The following CCDC171 variants were observed in gnomAD, a reference collection of about 807,000 sequenced individuals.
The protein encoded by CCDC171 is coiled-coil domain containing 171, also known as coiled-coil domain-containing protein 171.
CCDC171 carries 177 observed loss-of-function variants against 168.2 expected under a neutral mutation model. The observed-to-expected ratio is 1.05, with a 90% CI of 0.93 to 1.19. The LOEUF (loss-of-function observed/expected upper bound fraction) is 1.19. CCDC171 is among the 50% of genes most tolerant of loss of function. The pLI, the probability that CCDC171 is intolerant of heterozygous loss-of-function variation, is 0.00. For missense variants in CCDC171, 1,991 were observed against 1,539.0 expected, an observed-to-expected ratio of 1.29 and a Z score of -4.91; for synonymous variants, 687 against 540.8, an observed-to-expected ratio of 1.27 and a Z score of -3.75.
At chr9:15,828,435 T>C (rs2060103858) in intron 21 of CCDC171, among the ~76,000 whole-genome samples, 1 of 152,180 alleles carries the variant, frequency 6.6e-6, no homozygotes, top group Non-Finnish European at 1.5e-5. Flanking sequence ...TTAGTTTGAA[T>C]CTATTTTGAA....
intron 9 of CCDC171, among the ~76,000 whole-genome samples, chr9:15,673,146 G>A (rs1173362250): frequency 6.6e-6 from 1 of 151,306 alleles, no homozygotes; most frequent in African/African-American, 2.4e-5. Context: ...TCATGAATTG[G>A]CTGTCTGTCT....
chr9:15,728,188 C>A, intron 15 of CCDC171, 152 bp downstream of exon 15: 2 of 629,130 alleles, frequency 3.2e-6, no homozygotes, highest in Non-Finnish European at 5.2e-6. Context: ...GTCTACAACT[C>A]AGTTTGATGC....
At chr9:16,039,518 T>A (rs1394549907), upstream of CCDC171, among the ~76,000 whole-genome samples, 1 of 152,106 alleles carries the variant, frequency 6.6e-6, no homozygotes, top group Non-Finnish European at 1.5e-5. Flanking sequence ...GGAGGCTGAT[T>A]ATTTCTCCTC....
intron 24 of CCDC171, among the ~76,000 whole-genome samples, chr9:15,913,447 G>A (rs186299646): frequency 6.6e-5 from 10 of 152,138 alleles, no homozygotes; most frequent in East Asian, 1.9e-4. Flanking sequence ...GGCTGGCAGC[G>A]TATATATTTT....
chr9:15,902,267 TATATATATATATATACACACAC>T (rs1821795703), intron 24 of CCDC171, among the ~76,000 whole-genome samples: 2 of 58,458 alleles, frequency 3.4e-5, no homozygotes, highest in African/African-American at 9.4e-5. Flanking sequence ...TATATGTATA[TATATATATATATATACACACAC>T]ACACACACAT....
At position 15,920,962 on chromosome 9, in the gene CCDC171, TAA is replaced by T. The variant is rs35528529; in HGVS notation, c.3753+552_3753+553del. Among the ~76,000 whole-genome samples, 301 of 146,084 alleles carry T rather than the reference TAA, an allele frequency of 2.1e-3. 1 individual carries two copies. The highest frequency in any genetic ancestry group is 6.8e-3 in the African/African-American group (268 of 39,384). ...GATGAAGTTTGGGCTCACTTAACAC[TAA>T]AAAAAAAAAAATTTCTCTACTTGAA... On this transcript the variant is annotated intron_variant, in intron 25 of 25. Coordinates refer to ENST00000380701, the MANE Select transcript of CCDC171 (RefSeq NM_173550.4).
At chr9:15,639,889 G>A in intron 7 of CCDC171, among the ~76,000 whole-genome samples, 1 of 152,178 alleles carries the variant, frequency 6.6e-6, no homozygotes, top group East Asian at 1.9e-4. Context: ...GAAGTAAGTA[G>A]AAGGAATATC....
chr9:15,725,927 A>G (rs2053772978), intron 14 of CCDC171, among the ~76,000 whole-genome samples: 1 of 152,180 alleles, frequency 6.6e-6, no homozygotes, highest in South Asian at 2.1e-4. Flanking sequence ...ATGACTTATA[A>G]AAATATTATG....
chr9:15,637,803 C>T (rs2046315679), intron 7 of CCDC171, among the ~76,000 whole-genome samples: 2 of 152,038 alleles, frequency 1.3e-5, no homozygotes, highest in South Asian at 4.2e-4. Flanking sequence ...ATGAACTCAT[C>T]ATTTTTTATG....
At chr9:16,048,469 T>C (rs1833696143) in intron 1 of CCDC171, among the ~76,000 whole-genome samples, 2 of 152,294 alleles carry the variant, frequency 1.3e-5, no homozygotes, top group Middle Eastern at 6.8e-3. Context: ...ATTAGTGACG[T>C]TGGGCCCTGG....
In CCDC171 at chr9:15,802,483, C is replaced by CTTATAAGA. The variant is rs2058873753; in HGVS notation, c.3267+17789_3267+17790insTTATAAGA. On this transcript the variant is annotated intron_variant, in intron 21 of 25. Coordinates refer to ENST00000380701, the MANE Select transcript of CCDC171 (RefSeq NM_173550.4). ...TGTCCATGTGTTCTCATTTAGCTCC[C>CTTATAAGA]ACTTATAAGTGAGAACATGTGGTAT... Among the ~76,000 whole-genome samples, 4 of 152,216 alleles carry CTTATAAGA rather than the reference C, an allele frequency of 2.6e-5. No homozygotes were observed. In the South Asian group the frequency reaches 8.3e-4, roughly 32 times the overall value.
At chr9:15,984,822 T>G (rs1831933543) in intron 3 of CCDC171, among the ~76,000 whole-genome samples, 1 of 152,096 alleles carries the variant, frequency 6.6e-6, no homozygotes, top group African/African-American at 2.4e-5. Flanking sequence ...CAGAAATGGG[T>G]CAATTCTTCT....
chr9:15,689,730 A>G (rs756745993), intron 10 of CCDC171, among the ~76,000 whole-genome samples: 2 of 152,304 alleles, frequency 1.3e-5, no homozygotes, highest in Middle Eastern at 3.4e-3. Context: ...ATAAGGGACT[A>G]TGAATAGCCA....
intron 24 of CCDC171, among the ~76,000 whole-genome samples, chr9:15,898,679 A>G (rs554798681): frequency 6.6e-6 from 1 of 152,234 alleles, no homozygotes; most frequent in East Asian, 1.9e-4. Context: ...TTAGAATGCT[A>G]TATATTTGCT....
At chr9:15,604,240 C>T (rs2043066395) in intron 6 of CCDC171, among the ~76,000 whole-genome samples, 1 of 152,026 alleles carries the variant, frequency 6.6e-6, no homozygotes, top group South Asian at 2.1e-4. Flanking sequence ...TGTGCAGAAG[C>T]TCTTAAGTTT....
chr9:15,660,687 A>G (rs899446738), intron 8 of CCDC171, among the ~76,000 whole-genome samples: 8 of 152,258 alleles, frequency 5.3e-5, no homozygotes, highest in Admixed American at 4.6e-4. Flanking sequence ...AATCCATGGT[A>G]AGTATGTACC....
chr9:15,962,684 C>G (rs1463455608), intron 25 of CCDC171, among the ~76,000 whole-genome samples: 1 of 151,964 alleles, frequency 6.6e-6, no homozygotes, highest in East Asian at 1.9e-4. Flanking sequence ...ATAACTTTCT[C>G]TCATGATTCA....
intron 15 of CCDC171, among the ~76,000 whole-genome samples, chr9:15,728,379 A>T (rs1292180065): frequency 6.6e-6 from 1 of 152,056 alleles, no homozygotes; most frequent in East Asian, 1.9e-4. Context: ...TAATAAACCA[A>T]CTCTTTATGT....
chr9:15,559,231 T>C (rs2039068678), intron 1 of CCDC171, among the ~76,000 whole-genome samples: 1 of 151,686 alleles, frequency 6.6e-6, no homozygotes, highest in Non-Finnish European at 1.5e-5. Flanking sequence ...TGGAGAATTC[T>C]GTAGATGTCT....
Sources: gnomAD v4.1 joint callset for allele counts (sites outside exome capture counted in the v4.1 genomes callset) on GRCh38, gnomAD v4.1.1 for gene constraint, MANE v1.5 for transcripts, NCBI Gene and HGNC (gene_info 2026-07-23, HGNC 2026-07-21) for gene names.